EPHA6: variants seen among roughly 807,000 people sequenced by gnomAD.
EPHA6 encodes the protein ephrin type-A receptor 6.
EPHA6 carries 50 observed loss-of-function variants against 112.0 expected under a neutral mutation model. That is an observed-to-expected ratio of 0.45 (90% CI 0.36 to 0.56). The LOEUF is 0.56. EPHA6 is among the 20% of genes least tolerant of loss of function. The pLI is 0.00. For synonymous variants in EPHA6, 529 were observed against 490.7 expected (o/e 1.08, Z -1.03); for missense variants, 1,280 against 1,417.4 (o/e 0.90, Z 1.56).
chr3:97,073,330 T>G (rs542008097), intron 3 of EPHA6, among the ~76,000 whole-genome samples: 157 of 152,220 alleles, frequency 1.0e-3, no homozygotes, highest in African/African-American at 3.6e-3. Flanking sequence ...ATTTCCTTAT[T>G]AAGCAATGTC....
intron 7 of EPHA6, among the ~76,000 whole-genome samples, chr3:97,448,936 A>C (rs908363512): frequency 6.6e-6 from 1 of 152,174 alleles, no homozygotes; most frequent in Non-Finnish European, 1.5e-5. Flanking sequence ...CCATAAAAGT[A>C]ATGTGGCCAA....
At chr3:96,968,886 G>T (rs77231013) in intron 2 of EPHA6, among the ~76,000 whole-genome samples, 2,001 of 151,986 alleles carry the variant, frequency 0.013, 48 homozygotes, top group African/African-American at 0.044. Flanking sequence ...TGAAATAGTA[G>T]GGTAAGTTTA....
At chr3:97,743,457 G>A (rs923729308) in intron 16 of EPHA6, among the ~76,000 whole-genome samples, 17 of 152,064 alleles carry the variant, frequency 1.1e-4, no homozygotes, top group Non-Finnish European at 2.4e-4. Context: ...GAAACATGCT[G>A]TAAGACTACA....
intron 14 of EPHA6, among the ~76,000 whole-genome samples, chr3:97,645,665 T>TAA (rs199675404): frequency 6.8e-5 from 10 of 146,528 alleles, no homozygotes; most frequent in African/African-American, 1.3e-4. Flanking sequence ...TAAAGTATAA[T>TAA]AAAAAAAAAA....
At chr3:97,081,892 A>T (rs2046732094) in intron 3 of EPHA6, among the ~76,000 whole-genome samples, 1 of 151,586 alleles carries the variant, frequency 6.6e-6, no homozygotes, top group Admixed American at 6.6e-5. Context: ...AAATTTATAT[A>T]CCAACTTAAA....
intron 2 of EPHA6, among the ~76,000 whole-genome samples, chr3:96,881,483 C>T (rs536475426): frequency 2.0e-5 from 3 of 152,142 alleles, no homozygotes; most frequent in Non-Finnish European, 4.4e-5. Flanking sequence ...GGGAAACTGA[C>T]TCCGTGATTC....
At chr3:96,874,803 G>A (rs1317499166) in intron 2 of EPHA6, among the ~76,000 whole-genome samples, 1 of 152,066 alleles carries the variant, frequency 6.6e-6, no homozygotes, top group Non-Finnish European at 1.5e-5. Flanking sequence ...AGGAGAAATA[G>A]CAGCCAGAAA....
At chr3:97,637,835 A>T (rs756739390) in intron 13 of EPHA6, 38 bp from the exon 14 acceptor site, 1 of 1,513,004 alleles carries the variant, frequency 6.6e-7, no homozygotes, top group East Asian at 2.3e-5. Flanking sequence ...ACACTGCATT[A>T]AAATAAATCA....
At chr3:97,541,124 GT>G (rs5851068) in intron 11 of EPHA6, among the ~76,000 whole-genome samples, 2,384 of 151,712 alleles carry the variant, frequency 0.016, 52 homozygotes, top group African/African-American at 0.05. Context: ...GCAATTTCTA[GT>G]TAAAAAAAAT....
intron 2 of EPHA6, among the ~76,000 whole-genome samples, chr3:96,929,436 G>A (rs1347076768): frequency 3.3e-5 from 5 of 152,242 alleles, no homozygotes; most frequent in South Asian, 2.1e-4. Flanking sequence ...ACATGATGAC[G>A]AATTCCCTCA....
At chr3:97,036,460 G>A (rs1347068908) in intron 3 of EPHA6, among the ~76,000 whole-genome samples, 1 of 151,910 alleles carries the variant, frequency 6.6e-6, no homozygotes, top group Admixed American at 6.6e-5. Flanking sequence ...ATTAAAAACT[G>A]AGCTGTGAGT....
chr3:97,671,269 A>G (rs917879639), intron 14 of EPHA6, among the ~76,000 whole-genome samples: 28 of 152,258 alleles, frequency 1.8e-4, no homozygotes, highest in Non-Finnish European at 1.3e-4. Context: ...CACTTTATCC[A>G]ATCATCTCCT....
chr3:96,975,788 A>G (rs1410217827), intron 2 of EPHA6, among the ~76,000 whole-genome samples: 1 of 152,268 alleles, frequency 6.6e-6, no homozygotes, highest in African/African-American at 2.4e-5. Flanking sequence ...ATGACCATAG[A>G]CAGAAGTTCC....
chr3:97,090,310 G>T (rs1372074134), intron 3 of EPHA6, among the ~76,000 whole-genome samples: 1 of 151,964 alleles, frequency 6.6e-6, no homozygotes, highest in Non-Finnish European at 1.5e-5. Flanking sequence ...TTAAAAAATA[G>T]AAATAGCATG....
intron 10 of EPHA6, among the ~76,000 whole-genome samples, chr3:97,489,803 G>T (rs2091793015): frequency 6.6e-6 from 1 of 150,850 alleles, no homozygotes; most frequent in African/African-American, 2.5e-5. Context: ...AGAATCAAAG[G>T]AAAAATTATT....
At chr3:96,917,107 C>T (rs1034617245) in intron 2 of EPHA6, among the ~76,000 whole-genome samples, 1 of 151,498 alleles carries the variant, frequency 6.6e-6, no homozygotes, top group African/African-American at 2.4e-5. Context: ...ATATTGCAAC[C>T]CAGTTTACAC....
At chr3:97,716,207 T>G (rs1576341417) in intron 14 of EPHA6, among the ~76,000 whole-genome samples, 1 of 152,152 alleles carries the variant, frequency 6.6e-6, no homozygotes, top group South Asian at 2.1e-4. Context: ...TTCAAGATCA[T>G]GGGCAAAAAT....
At chr3:97,555,500 G>A (rs1177269208) in intron 11 of EPHA6, among the ~76,000 whole-genome samples, 11 of 152,202 alleles carry the variant, frequency 7.2e-5, no homozygotes, top group South Asian at 4.1e-4. Flanking sequence ...CTGAGGAATC[G>A]CCACACTGAC....
chr3:96,846,569 A>G (rs1367967721), intron 1 of EPHA6, among the ~76,000 whole-genome samples: 1 of 152,084 alleles, frequency 6.6e-6, no homozygotes, highest in Non-Finnish European at 1.5e-5. Context: ...ATAGAATTAA[A>G]TCATTAAGTA....
Sources: gnomAD v4.1 joint callset for allele counts (sites outside exome capture counted in the v4.1 genomes callset) on GRCh38, gnomAD v4.1.1 for gene constraint, MANE v1.5 for transcripts, NCBI Gene and HGNC (gene_info 2026-07-23, HGNC 2026-07-21) for gene names.